Variants in PTPRG observed in about 807,000 individuals in gnomAD.
PTPRG encodes protein tyrosine phosphatase receptor type G.
A neutral mutation model predicts 165.3 loss-of-function variants in PTPRG; 102 were observed. The observed-to-expected ratio is 0.62, with a 90% CI of 0.53 to 0.73. PTPRG has a LOEUF of 0.73. PTPRG is among the 30% of genes least tolerant of loss of function. The pLI, the probability that PTPRG is intolerant of heterozygous loss-of-function variation, is 0.00. For missense variants in PTPRG, 1,866 were observed against 1,861.4 expected (o/e 1.00, Z -0.05); for synonymous variants, 675 against 669.5 (o/e 1.01, Z -0.13).
chr3:62,193,165 C>T (rs955204910), intron 9 of PTPRG, among the ~76,000 whole-genome samples: 1 of 152,182 alleles, frequency 6.6e-6, no homozygotes, highest in Non-Finnish European at 1.5e-5. Context: ...AGATGGCTTG[C>T]ATTAATCAGC....
At chr3:61,731,382 C>T (rs1344307740) in intron 1 of PTPRG, among the ~76,000 whole-genome samples, 1 of 141,340 alleles carries the variant, frequency 7.1e-6, no homozygotes, top group Non-Finnish European at 1.5e-5. Flanking sequence ...CGGAGTCTTG[C>T]TGTGTTGCTA....
At chr3:62,102,770 A>G (rs767935904) in intron 5 of PTPRG, among the ~76,000 whole-genome samples, 4 of 152,178 alleles carry the variant, frequency 2.6e-5, no homozygotes, top group Admixed American at 1.3e-4. Context: ...TCTGATTTGT[A>G]AGCTTTGTTC....
Position 62,252,392 on chromosome 3 carries a change from T to C in PTPRG, c.2468-2732T>C, listed in dbSNP as rs143862165. ...CAACTTCTTCTGCCATTCTAAACTT[T>C]TTTCAGCTGCAAGATGCATATGAAA... On this transcript the variant is annotated intron_variant, in intron 15 of 29. Transcript: ENST00000474889. This position sits in a 1 kb window ranked among gnomAD's most constrained non-coding sequence, Gnocchi z 4.6. Among the ~76,000 whole-genome samples, 488 of 152,342 alleles carry C rather than the reference T, an allele frequency of 3.2e-3. 2 individuals are homozygous for C. Among genetic ancestry groups the C allele is most frequent in the Non-Finnish European group, 5.5e-3 (374 of 68,034 alleles).
chr3:62,155,743 C>A (rs1296974680), intron 6 of PTPRG, among the ~76,000 whole-genome samples: 1 of 152,170 alleles, frequency 6.6e-6, no homozygotes, highest in Non-Finnish European at 1.5e-5. Context: ...ACACAGACTT[C>A]TCGAGTCTGG....
At chr3:62,148,097 G>C (rs1704188986) in intron 6 of PTPRG, among the ~76,000 whole-genome samples, 1 of 152,220 alleles carries the variant, frequency 6.6e-6, no homozygotes, top group East Asian at 1.9e-4. Context: ...AGTGAGCCGA[G>C]ATCGTGCCAC....
At chr3:61,908,285 G>A (rs1173452684) in intron 2 of PTPRG, among the ~76,000 whole-genome samples, 1 of 151,586 alleles carries the variant, frequency 6.6e-6, no homozygotes, top group Admixed American at 6.6e-5. Context: ...ACTTAGCCAG[G>A]CATGGTGGCG....
chr3:61,651,592 A>G (rs1559540804), intron 1 of PTPRG, among the ~76,000 whole-genome samples: 1 of 152,150 alleles, frequency 6.6e-6, no homozygotes, highest in Non-Finnish European at 1.5e-5. Context: ...AAGCTAAGCA[A>G]TTTCCGTGCA....
intron 4 of PTPRG, among the ~76,000 whole-genome samples, chr3:62,060,855 A>T (rs1294006566): frequency 2.0e-5 from 3 of 152,148 alleles, no homozygotes; most frequent in Non-Finnish European, 4.4e-5. Context: ...GAAATATGGG[A>T]TGATCATAAT....
At chr3:61,650,985 TAA>T (rs1702334137) in intron 1 of PTPRG, among the ~76,000 whole-genome samples, 1 of 152,180 alleles carries the variant, frequency 6.6e-6, no homozygotes, top group Non-Finnish European at 1.5e-5. Context: ...AGTTGTCTAG[TAA>T]AAGTTTATAT....
At chr3:61,897,453 A>G (rs549580203) in intron 2 of PTPRG, among the ~76,000 whole-genome samples, 12 of 152,146 alleles carry the variant, frequency 7.9e-5, no homozygotes, top group Non-Finnish European at 2.9e-5. Flanking sequence ...TGATGTCCCT[A>G]TCTCTCCACC....
chr3:62,206,290 G>A (rs1237896686), intron 12 of PTPRG, among the ~76,000 whole-genome samples: 1 of 152,168 alleles, frequency 6.6e-6, no homozygotes, highest in Non-Finnish European at 1.5e-5. Context: ...GGTATGAGGT[G>A]TGTAGGTCCT....
chr3:62,223,663 T>C (rs1390978963), intron 13 of PTPRG, among the ~76,000 whole-genome samples: 1 of 152,114 alleles, frequency 6.6e-6, no homozygotes, highest in Non-Finnish European at 1.5e-5. Context: ...CTATGGAAAA[T>C]GCTTGTCCTG....
At chr3:62,115,455 T>A (rs1702828620) in intron 5 of PTPRG, among the ~76,000 whole-genome samples, 1 of 152,154 alleles carries the variant, frequency 6.6e-6, no homozygotes, top group Non-Finnish European at 1.5e-5. Flanking sequence ...CGATGAAAAG[T>A]GATTGGTAAT....
intron 2 of PTPRG, among the ~76,000 whole-genome samples, chr3:61,912,769 T>C (rs11921039): frequency 0.014 from 2,136 of 152,350 alleles, 53 homozygotes; most frequent in African/African-American, 0.049. Context: ...ATTTGAATTA[T>C]GCAGAGCCTG....
intron 2 of PTPRG, among the ~76,000 whole-genome samples, chr3:61,801,409 A>G (rs563845189): frequency 6.6e-6 from 1 of 151,900 alleles, no homozygotes; most frequent in South Asian, 2.1e-4. Context: ...CTAGGGCTCA[A>G]GTAATCCTCC....
intron 2 of PTPRG, among the ~76,000 whole-genome samples, chr3:61,860,434 C>CTTTTT (rs766688465): frequency 9.5e-4 from 91 of 95,528 alleles, no homozygotes; most frequent in Non-Finnish European, 1.1e-3. Flanking sequence ...GTTTTTGTTC[C>CTTTTT]TTTTTTTTTT....
At chr3:62,008,741 T>C (rs1160346386) in intron 4 of PTPRG, among the ~76,000 whole-genome samples, 1 of 152,190 alleles carries the variant, frequency 6.6e-6, no homozygotes, top group East Asian at 1.9e-4. Context: ...AGGCATTAGT[T>C]GGATTCTCAA....
At chr3:61,845,333 A>G (rs903268275) in intron 2 of PTPRG, among the ~76,000 whole-genome samples, 2 of 152,230 alleles carry the variant, frequency 1.3e-5, no homozygotes, top group Non-Finnish European at 2.9e-5. Flanking sequence ...TTTAGGTTAT[A>G]GATGAGGACA....
Position 62,219,536 on chromosome 3 carries a change from T to C in PTPRG, c.2288+553T>C, listed in dbSNP as rs943102686. ...CTATCCGGATTCTCACTGCTTCTCA[T>C]GGGAAGCCAGGTTGCAGCCTCTGTT... On this transcript the variant is annotated intron_variant, in intron 13 of 29. Transcript: ENST00000474889. The surrounding 1 kb of genome is among the most constrained non-coding windows in gnomAD (Gnocchi z 4.5). Among the ~76,000 whole-genome samples, 1 of 152,226 alleles carries C rather than the reference T, an allele frequency of 6.6e-6. No homozygotes were observed. The highest frequency in any genetic ancestry group is 6.5e-5 in the Admixed American group (1 of 15,278).
Sources: allele counts gnomAD v4.1 joint callset (sites outside exome capture counted in the v4.1 genomes callset), GRCh38; gene constraint gnomAD v4.1.1; non-coding constraint Gnocchi (gnomAD v3.1); transcripts MANE v1.5; gene names NCBI Gene and HGNC (gene_info 2026-07-23, HGNC 2026-07-21).